The following STRA6 variants were observed in gnomAD, a reference collection of about 807,000 sequenced individuals.
The protein encoded by STRA6 is signaling receptor and transporter of retinol STRA6.
STRA6 carries 48 observed loss-of-function variants against 83.6 expected under a neutral mutation model. The observed-to-expected ratio is 0.57, with a 90% CI of 0.46 to 0.73. STRA6 has a LOEUF of 0.73. STRA6 is among the 30% of genes least tolerant of loss of function. The pLI, the probability that STRA6 is intolerant of heterozygous loss-of-function variation, is 0.00. For missense variants in STRA6, 760 were observed against 838.8 expected, an observed-to-expected ratio of 0.91 and a Z score of 1.16; for synonymous variants, 353 against 362.3, an observed-to-expected ratio of 0.97 and a Z score of 0.29.
rs2073173178 is a variant in STRA6 at position 74,185,009 on chromosome 15, C to G, written c.1137G>C (p.Leu379=). The change falls in exon 13 of 19, where the codon CTG becomes CTC. Residue 379 remains leucine (L), a synonymous_variant. Transcript: ENST00000395105. The part of the protein sequence containing the change: ...ALVLSCLLTF[L]VLMRSLVTHR... ...GTGTCACCAGTGAGCGCATCAGGACCAGGAAGGTGAGTAAGCAGGACAAGA... is the reference window on the plus strand; with the variant it reads ...GTGTCACCAGTGAGCGCATCAGGACGAGGAAGGTGAGTAAGCAGGACAAGA... The G allele has an allele frequency of 6.2e-7, 1 of 1,614,054 alleles. No homozygotes were observed. Among genetic ancestry groups the G allele is most frequent in the Admixed American group, 1.7e-5 (1 of 60,018 alleles).
chr15:74,186,734 G>GCA (rs879440857), intron 12 of STRA6, among the ~76,000 whole-genome samples: 2 of 152,120 alleles, frequency 1.3e-5, no homozygotes, highest in Non-Finnish European at 2.9e-5. Context: ...TTGCACCACT[G>GCA]CACTCCAGCC....
upstream of STRA6, among the ~76,000 whole-genome samples, chr15:74,207,416 A>T (rs1295608269): frequency 6.6e-6 from 1 of 152,084 alleles, no homozygotes; most frequent in Non-Finnish European, 1.5e-5. Context: ...ACACATCAGA[A>T]CCACTGCAAC....
In STRA6 at chr15:74,188,452, C is replaced by A. The variant is rs1003939458; in HGVS notation, c.1090+663G>T. 6.6e-6 allele frequency among the ~76,000 whole-genome samples: 1 copy of A among 152,256 alleles called. No individual in the cohort carries two copies. Among genetic ancestry groups the A allele is most frequent in the Non-Finnish European group, 1.5e-5 (1 of 68,044 alleles). On this transcript the variant is annotated intron_variant, in intron 12 of 18. Coordinates refer to ENST00000395105, the MANE Select transcript of STRA6 (RefSeq NM_022369.4). The surrounding 1 kb of genome is among the most constrained non-coding windows in gnomAD (Gnocchi z 4.5). Reference sequence around the variant, plus strand: ...CCCCGCCTAGGCTTCAGGAGCCCTGCGTTCTCTTGGCTGCACTCTGCCCTG... The same window carrying A: ...CCCCGCCTAGGCTTCAGGAGCCCTGAGTTCTCTTGGCTGCACTCTGCCCTG...
chr15:74,208,056 A>T, intron 1 of STRA6: 1 of 1,283,190 alleles, frequency 7.8e-7, no homozygotes, highest in Non-Finnish European at 1.0e-6. Context: ...TCATAACATA[A>T]AGGATTTAGA....
chr15:74,184,431 G>GT (rs1183273861), intron 13 of STRA6, among the ~76,000 whole-genome samples: 1 of 152,200 alleles, frequency 6.6e-6, no homozygotes, highest in East Asian at 1.9e-4. Flanking sequence ...TCTGACATGG[G>GT]TAAGTGCTCG....
intron 12 of STRA6, among the ~76,000 whole-genome samples, chr15:74,185,822 C>A (rs993214581): frequency 5.3e-5 from 8 of 152,356 alleles, no homozygotes; most frequent in African/African-American, 1.7e-4. Context: ...AGAGAGAGGG[C>A]TTCGCCCAGA....
At chr15:74,201,605 A>T (rs915934699) in intron 2 of STRA6, among the ~76,000 whole-genome samples, 7 of 152,156 alleles carry the variant, frequency 4.6e-5, no homozygotes, top group African/African-American at 1.7e-4. Context: ...GCTAAAGGGA[A>T]TAGGCTCTCC....
upstream of STRA6, among the ~76,000 whole-genome samples, chr15:74,210,914 C>T (rs993372216): frequency 4.6e-5 from 7 of 152,152 alleles, no homozygotes; most frequent in Non-Finnish European, 1.0e-4. Flanking sequence ...CTCAGGCAGC[C>T]ATCTTGGACT....
At chr15:74,182,098 A>G in intron 16 of STRA6, 63 bp downstream of exon 16, 1 of 1,410,328 alleles carries the variant, frequency 7.1e-7, no homozygotes, top group South Asian at 1.2e-5. Flanking sequence ...GGACACAAAA[A>G]GAGAGAGACA....
intron 2 of STRA6, among the ~76,000 whole-genome samples, chr15:74,200,195 G>A (rs193021783): frequency 3.0e-4 from 46 of 152,310 alleles, no homozygotes; most frequent in African/African-American, 2.6e-4. Flanking sequence ...ACTCCAACCC[G>A]GGCAACAAGA....
intron 8 of STRA6, among the ~76,000 whole-genome samples, chr15:74,193,566 T>C (rs901343265): frequency 6.6e-6 from 1 of 152,144 alleles, no homozygotes; most frequent in Non-Finnish European, 1.5e-5. Flanking sequence ...CTTTGTTAAG[T>C]CCCTACTATT....
chr15:74,210,790 G>A (rs117648044), upstream of STRA6, among the ~76,000 whole-genome samples: 9 of 152,294 alleles, frequency 5.9e-5, no homozygotes, highest in Non-Finnish European at 1.3e-4. Context: ...ATTGGCCAGT[G>A]ACTTGGAAAA....
At chr15:74,194,443 T>C (rs2073712181) in intron 7 of STRA6, 2 of 995,994 alleles carry the variant, frequency 2.0e-6, no homozygotes, top group East Asian at 8.4e-5. Context: ...TTCTAGGTGG[T>C]GAAAAAAAGC....
At chr15:74,181,489 C>T (rs150151099) in intron 16 of STRA6, 31 bp from the exon 17 acceptor site, 18 of 1,609,706 alleles carry the variant, frequency 1.1e-5, no homozygotes, top group Middle Eastern at 1.7e-4. Flanking sequence ...TGAGGCAGGC[C>T]GTTCCCCAGA....
intron 6 of STRA6, 61 bp downstream of exon 6, chr15:74,195,591 G>C: frequency 6.4e-7 from 1 of 1,557,370 alleles, no homozygotes; most frequent in East Asian, 2.4e-5. Flanking sequence ...CAGTGGGCAA[G>C]AACACTAGGT....
intron 7 of STRA6, 48 bp downstream of exon 7, chr15:74,195,254 G>A (rs1442065614): frequency 1.9e-6 from 3 of 1,601,938 alleles, no homozygotes; most frequent in Non-Finnish European, 2.6e-6. Flanking sequence ...GTTTGAGTAG[G>A]TTGCTCTGTG....
At chr15:74,211,393 C>CTTTTTTTTTTTTTTTTTT (rs34963230), upstream of STRA6, among the ~76,000 whole-genome samples, 1 of 73,892 alleles carries the variant, frequency 1.4e-5, no homozygotes, top group Admixed American at 1.7e-4. Context: ...CTGCCCCTGG[C>CTTTTTTTTTTTTTTTTTT]TTTTTTTTTT....
intron 2 of STRA6, 55 bp downstream of exon 2, chr15:74,202,100 G>T: frequency 7.0e-7 from 1 of 1,422,072 alleles, no homozygotes; most frequent in Non-Finnish European, 9.2e-7. Context: ...TGCAACCTCT[G>T]CCATCACCCC....
In STRA6 at chr15:74,181,321, GGCA is replaced by G; in HGVS notation, c.1655_1657del (p.Leu552del). ...GGGGTCGAGAGTGGCGGCTCTCGGTGGCAGCAGGCTGAGGTCCATCTGGCCAAG... is the reference window on the plus strand; with the variant it reads ...GGGGTCGAGAGTGGCGGCTCTCGGTGGCAGGCTGAGGTCCATCTGGCCAAG... On this transcript the variant is annotated inframe_deletion, in exon 17 of 19. Coordinates refer to ENST00000395105, the MANE Select transcript of STRA6 (RefSeq NM_022369.4). 6.2e-7 allele frequency: 1 copy of G among 1,612,544 alleles called. No individual in the cohort carries two copies. Among genetic ancestry groups the G allele is most frequent in the Non-Finnish European group, 8.5e-7 (1 of 1,179,704 alleles).
Sources: gnomAD v4.1 joint callset for allele counts (sites outside exome capture counted in the v4.1 genomes callset) on GRCh38, gnomAD v4.1.1 for gene constraint, Gnocchi (gnomAD v3.1) non-coding constraint, MANE v1.5 for transcripts, NCBI Gene and HGNC (gene_info 2026-07-23, HGNC 2026-07-21) for gene names.